SPACA7: variants seen among roughly 807,000 people sequenced by gnomAD.
SPACA7 encodes sperm acrosome associated 7, also known as sperm acrosome-associated protein 7.
In SPACA7, 19 loss-of-function variants were observed where a neutral mutation model predicts 26.3. The observed-to-expected ratio is 0.72, with a 90% CI of 0.50 to 1.06. The LOEUF is 1.06. SPACA7 is among the 50% of genes least tolerant of loss of function. The pLI is 0.00. For missense variants in SPACA7, 211 were observed against 229.9 expected (o/e 0.92, Z 0.53); for synonymous variants, 84 against 84.5 (o/e 0.99, Z 0.04).
chr13:112,416,804 T>TTGTGTGTGTGTG (rs148795567), intron 5 of SPACA7, among the ~76,000 whole-genome samples: 2,690 of 148,000 alleles, frequency 0.018, 25 homozygotes, highest in Non-Finnish European at 0.023. Context: ...TGATTATGAG[T>TTGTGTGTGTGTG]TGTGTGTGTG....
chr13:112,395,993 C>T lies in SPACA7; in HGVS notation c.152-2056C>T, dbSNP rs192280461. Among the ~76,000 whole-genome samples, 156 of 150,230 alleles carry T rather than the reference C, an allele frequency of 1.0e-3. 3 individuals are homozygous for T. Among genetic ancestry groups the T allele is most frequent in the African/African-American group, 3.4e-3 (140 of 41,270 alleles). ...GGTCAAGGCAGCCTTTCGCCCTGGG[C>T]AGCTCACCCTGGGGTGGCTCGGCCC... On this transcript the variant is annotated intron_variant, in intron 2 of 6. Coordinates refer to ENST00000283550, the MANE Select transcript of SPACA7 (RefSeq NM_145248.5).
chr13:112,397,947 T>C, intron 2 of SPACA7, 102 bp from the exon 3 acceptor site: 1 of 576,940 alleles, frequency 1.7e-6, no homozygotes. Context: ...GTACAGGAAC[T>C]GTGTGTACAT....
At chr13:112,419,008 G>C (rs1886857969) in intron 5 of SPACA7, among the ~76,000 whole-genome samples, 1 of 150,744 alleles carries the variant, frequency 6.6e-6, no homozygotes, top group Non-Finnish European at 1.5e-5. Context: ...GGAGACAAGA[G>C]TGAGACTCCA....
intron 2 of SPACA7, 29 bp from the exon 3 acceptor site, chr13:112,398,020 C>G: frequency 6.5e-7 from 1 of 1,549,164 alleles, no homozygotes; most frequent in South Asian, 1.1e-5. Context: ...AGGGCCGACT[C>G]TAACGTGATC....
At chr13:112,425,237 A>T (rs1876420421) in intron 5 of SPACA7, among the ~76,000 whole-genome samples, 1 of 152,218 alleles carries the variant, frequency 6.6e-6, no homozygotes, top group African/African-American at 2.4e-5. Context: ...ATAGAAACAG[A>T]TGTGAGTCAG....
At chr13:112,400,861 G>A (rs745461875) in intron 4 of SPACA7, among the ~76,000 whole-genome samples, 3 of 152,216 alleles carry the variant, frequency 2.0e-5, no homozygotes, top group Non-Finnish European at 4.4e-5. Flanking sequence ...GTCAAAGGAC[G>A]TGTGGAGGAG....
chr13:112,400,408 C>T (rs1408302909), intron 4 of SPACA7, among the ~76,000 whole-genome samples: 1 of 152,214 alleles, frequency 6.6e-6, no homozygotes, highest in African/African-American at 2.4e-5. Flanking sequence ...CATTGCTTCT[C>T]CATTTATTAA....
intron 5 of SPACA7, among the ~76,000 whole-genome samples, chr13:112,407,806 C>G (rs36183504): frequency 1.3e-5 from 2 of 152,140 alleles, no homozygotes; most frequent in African/African-American, 4.8e-5. Flanking sequence ...GGAGCTGGTA[C>G]CATTCCTTCT....
chr13:112,425,532 G>A (rs1360570241), intron 5 of SPACA7, among the ~76,000 whole-genome samples: 1 of 152,150 alleles, frequency 6.6e-6, no homozygotes, highest in Non-Finnish European at 1.5e-5. Flanking sequence ...CCATTTATTC[G>A]ATTGGCACCA....
Position 112,399,177 on chromosome 13 carries a change from A to ATTACTGGGTTGCATTT in SPACA7, c.349+4_349+5insTTACTGGGTTGCATTT. On this transcript the variant is annotated splice_donor_region_variant and intron_variant, in intron 4 of 6. Transcript: ENST00000283550. ...GAGGTCAAAATTTCCAATGATGGTA[A>ATTACTGGGTTGCATTT]ATGCAACCCAGTAATTACCCCTTCC... 1 of 1,469,660 alleles carries ATTACTGGGTTGCATTT rather than the reference A, an allele frequency of 6.8e-7. No homozygotes were observed. The highest frequency in any genetic ancestry group is 9.5e-7 in the Non-Finnish European group (1 of 1,048,586). 91.0% of individuals were successfully genotyped at this position (1,469,660 alleles called of 1,614,324 possible). A position where few individuals can be genotyped will look rare whatever the true frequency, so the allele number is the denominator to read the frequency against.
Position 112,399,743 on chromosome 13 carries a change from T to C in SPACA7, c.349+570T>C, listed in dbSNP as rs1399620170. ...CAGGTATATGAGTCCATTCTCACAC[T>C]GCTACAACGAACTACCTGAGGCTGA... On this transcript the variant is annotated intron_variant, in intron 4 of 6. Transcript: ENST00000283550. Among the ~76,000 whole-genome samples, 10 of 152,340 alleles carry C rather than the reference T, an allele frequency of 6.6e-5. No homozygotes were observed. The East Asian group carries it at 1.9e-3, about 29-fold the overall frequency.
At chr13:112,404,655 C>A (rs537834054) in intron 5 of SPACA7, among the ~76,000 whole-genome samples, 2 of 150,032 alleles carry the variant, frequency 1.3e-5, no homozygotes, top group East Asian at 4.0e-4. Flanking sequence ...TATACCAGCA[C>A]CATTTGTTGA....
chr13:112,428,577 C>T (rs115930848), intron 5 of SPACA7, among the ~76,000 whole-genome samples: 3,080 of 152,050 alleles, frequency 0.02, 98 homozygotes, highest in African/African-American at 0.07. Context: ...GAGACTCTAT[C>T]TCAAAAAATA....
At chr13:112,391,477 GA>G (rs1452154939) in intron 1 of SPACA7, among the ~76,000 whole-genome samples, 1 of 152,206 alleles carries the variant, frequency 6.6e-6, no homozygotes, top group African/African-American at 2.4e-5. Flanking sequence ...TAACCAGAAT[GA>G]AGTCTCAGAA....
At chr13:112,398,785 A>C (rs1437877506) in intron 3 of SPACA7, among the ~76,000 whole-genome samples, 1 of 152,214 alleles carries the variant, frequency 6.6e-6, no homozygotes, top group Non-Finnish European at 1.5e-5. Flanking sequence ...CGGCAGCAGG[A>C]AAGTTCAGCA....
intron 5 of SPACA7, among the ~76,000 whole-genome samples, chr13:112,411,128 G>T (rs1156561977): frequency 3.4e-5 from 1 of 29,658 alleles, no homozygotes; most frequent in Non-Finnish European, 1.5e-4. Context: ...TGTTACATTT[G>T]CTATGTTTTT....
At chr13:112,432,556 T>C in intron 6 of SPACA7, 35 bp downstream of exon 6, 1 of 1,478,454 alleles carries the variant, frequency 6.8e-7, no homozygotes, top group South Asian at 1.1e-5. Flanking sequence ...GTCTTCTCAT[T>C]TGGGGATTCT....
intron 5 of SPACA7, among the ~76,000 whole-genome samples, chr13:112,407,517 A>C (rs1030643313): frequency 6.6e-6 from 1 of 152,212 alleles, no homozygotes; most frequent in Non-Finnish European, 1.5e-5. Context: ...CAGACGCAAC[A>C]AAAAATGGTA....
chr13:112,398,085 AAAC>A lies in SPACA7; in HGVS notation c.193_195del (p.Thr65del). Reference sequence around the variant, plus strand: ...GTCCAGGAGATTTTAGATCTGAATAAAACAACACCGAGCGAAATGCCAAGTACA... The same window carrying A: ...GTCCAGGAGATTTTAGATCTGAATAAAACACCGAGCGAAATGCCAAGTACA... On this transcript the variant is annotated inframe_deletion, in exon 3 of 7. Transcript: ENST00000283550. 1 of 1,613,982 alleles carries A rather than the reference AAAC, an allele frequency of 6.2e-7. No homozygotes were observed.
Sources: gnomAD v4.1 joint callset for allele counts (sites outside exome capture counted in the v4.1 genomes callset) on GRCh38, gnomAD v4.1.1 for gene constraint, MANE v1.5 for transcripts, NCBI Gene and HGNC (gene_info 2026-07-23, HGNC 2026-07-21) for gene names.